Variants in DPP10 observed in about 807,000 individuals in gnomAD.
DPP10 encodes the protein inactive dipeptidyl peptidase 10.
A neutral mutation model predicts 120.9 loss-of-function variants in DPP10; 33 were observed. The ratio of observed to expected loss-of-function variants is 0.27; its 90% confidence interval spans 0.21 to 0.37. The LOEUF (loss-of-function observed/expected upper bound fraction) is 0.37, where lower values mean the gene tolerates loss of function less well. Ranked by LOEUF, DPP10 falls within the 10% of genes least tolerant of loss-of-function variation. The pLI is 1.00. For missense variants in DPP10, 816 were observed against 942.8 expected (o/e 0.87, Z 1.76); for synonymous variants, 337 against 326.1 (o/e 1.03, Z -0.36).
At chr2:114,726,776 G>A (rs1676355341) in intron 1 of DPP10, among the ~76,000 whole-genome samples, 1 of 152,126 alleles carries the variant, frequency 6.6e-6, no homozygotes, top group South Asian at 2.1e-4. Context: ...AATTGTGCAG[G>A]AAAAAGAAAA....
chr2:115,074,172 C>A (rs775218421), intron 1 of DPP10, among the ~76,000 whole-genome samples: 1 of 152,048 alleles, frequency 6.6e-6, no homozygotes, highest in African/African-American at 2.4e-5. Flanking sequence ...ATACCATACC[C>A]AGATAACTTT....
intron 2 of DPP10, among the ~76,000 whole-genome samples, chr2:115,340,504 T>G (rs2063390633): frequency 6.6e-6 from 1 of 151,918 alleles, no homozygotes; most frequent in African/African-American, 2.4e-5. Context: ...TTATATATAG[T>G]GTTATTTTAA....
intron 1 of DPP10, among the ~76,000 whole-genome samples, chr2:115,038,325 C>T (rs181950740): frequency 1.1e-4 from 16 of 151,964 alleles, no homozygotes; most frequent in African/African-American, 3.9e-4. Flanking sequence ...GGCTGGAGTG[C>T]AGTGGCGCCA....
At chr2:114,642,554 G>T (rs908049416) in intron 1 of DPP10, among the ~76,000 whole-genome samples, 34 of 151,896 alleles carry the variant, frequency 2.2e-4, no homozygotes, top group African/African-American at 8.0e-4. Context: ...CAGTGCAGAT[G>T]GGTAAGTAAG....
intron 1 of DPP10, among the ~76,000 whole-genome samples, chr2:115,121,725 G>C (rs986800164): frequency 2.0e-5 from 3 of 152,180 alleles, no homozygotes; most frequent in Admixed American, 6.5e-5. Context: ...TGGGCTTGCA[G>C]AGCAGCCAGT....
intron 1 of DPP10, among the ~76,000 whole-genome samples, chr2:115,003,244 C>T (rs2105018114): frequency 6.7e-6 from 1 of 149,704 alleles, no homozygotes; most frequent in African/African-American, 2.4e-5. Context: ...AGGTCATTAT[C>T]CCAGGCAAAC....
At chr2:115,136,000 G>GT (rs2050632764) in intron 1 of DPP10, among the ~76,000 whole-genome samples, 5 of 151,954 alleles carry the variant, frequency 3.3e-5, no homozygotes. Flanking sequence ...TGCCAGGAGA[G>GT]TTTTTTTCTT....
At chr2:115,300,823 C>T (rs1026970544) in intron 1 of DPP10, among the ~76,000 whole-genome samples, 5 of 151,812 alleles carry the variant, frequency 3.3e-5, no homozygotes, top group African/African-American at 1.2e-4. Flanking sequence ...AAATCTGAAG[C>T]CTTGTTTCTT....
intron 3 of DPP10, among the ~76,000 whole-genome samples, chr2:115,435,051 C>CACATAT (rs1553409826): frequency 6.8e-6 from 1 of 148,108 alleles, no homozygotes; most frequent in South Asian, 2.1e-4. Flanking sequence ...CACATGCACA[C>CACATAT]ATATATATAT....
chr2:115,034,900 C>A (rs1319337683), intron 1 of DPP10, among the ~76,000 whole-genome samples: 1 of 152,206 alleles, frequency 6.6e-6, no homozygotes, highest in Admixed American at 6.5e-5. Flanking sequence ...CAGATTCTAA[C>A]CATTCCCATT....
At chr2:115,635,357 T>G (rs1244533192) in intron 5 of DPP10, among the ~76,000 whole-genome samples, 1 of 152,120 alleles carries the variant, frequency 6.6e-6, no homozygotes, top group South Asian at 2.1e-4. Context: ...TCCTGATCTA[T>G]GGGTTGCACA....
rs370122794 is a variant in DPP10, at chr2:115,780,900, G to C, written c.1388G>C (p.Arg463Pro). 59 of 1,600,958 alleles carry C rather than the reference G, an allele frequency of 3.7e-5. No homozygotes were observed. In the Admixed American group the frequency reaches 6.2e-4, roughly 17 times the overall value. The change falls in exon 16 of 26, where the codon CGC becomes CCC. Residue 463 changes from arginine to proline, a missense_variant. Transcript: ENST00000410059. ...GCTTCTACTGAAGGATTATTGAATC[G>C]CCAATGCATTTCATGTAATTTCATG... ...YSASTEGLLN[R>P]QCISCNFMKE...
At chr2:114,497,083 A>ATGTACATGTACATGTGTACATGTACG (rs1682600561) in intron 1 of DPP10, among the ~76,000 whole-genome samples, 2 of 149,818 alleles carry the variant, frequency 1.3e-5, no homozygotes, top group Admixed American at 1.3e-4. Context: ...ATACATATAC[A>ATGTACATGTACATGTGTACATGTACG]TGTACATGTA....
chr2:114,498,309 C>G (rs1258372722), intron 1 of DPP10, among the ~76,000 whole-genome samples: 2 of 152,078 alleles, frequency 1.3e-5, no homozygotes, highest in Admixed American at 1.3e-4. Context: ...AACAACAGCT[C>G]CCTACTTCCT....
At chr2:115,693,717 T>G (rs1221595383) in intron 7 of DPP10, among the ~76,000 whole-genome samples, 1 of 152,118 alleles carries the variant, frequency 6.6e-6, no homozygotes, top group Non-Finnish European at 1.5e-5. Flanking sequence ...TGTATAAAAA[T>G]TATAGGTTCC....
chr2:115,469,785 C>A (rs1410851936), intron 3 of DPP10, among the ~76,000 whole-genome samples: 1 of 149,300 alleles, frequency 6.7e-6, no homozygotes, highest in African/African-American at 2.5e-5. Flanking sequence ...GTAATCCCAG[C>A]TACTTGGGAG....
At chr2:115,229,037 T>G (rs1194306376) in intron 1 of DPP10, among the ~76,000 whole-genome samples, 1 of 152,142 alleles carries the variant, frequency 6.6e-6, no homozygotes, top group Non-Finnish European at 1.5e-5. Flanking sequence ...TTGCCAGCAC[T>G]TATTACTGCC....
At chr2:115,172,025 C>T (rs1173623707) in intron 1 of DPP10, among the ~76,000 whole-genome samples, 1 of 151,078 alleles carries the variant, frequency 6.6e-6, no homozygotes, top group Non-Finnish European at 1.5e-5. Context: ...CCCTCTTACA[C>T]TCAGCATGAA....
intron 1 of DPP10, among the ~76,000 whole-genome samples, chr2:115,274,582 A>C (rs1382919076): frequency 6.6e-6 from 1 of 152,232 alleles, no homozygotes; most frequent in East Asian, 1.9e-4. Context: ...CTTTGATTAA[A>C]TGAATTATTC....
Sources: gnomAD v4.1 joint callset for allele counts (sites outside exome capture counted in the v4.1 genomes callset) on GRCh38, gnomAD v4.1.1 for gene constraint, MANE v1.5 for transcripts, NCBI Gene and HGNC (gene_info 2026-07-23, HGNC 2026-07-21) for gene names.